Variants in OPCML observed in about 807,000 individuals in gnomAD.
OPCML encodes the protein opioid binding protein/cell adhesion molecule like.
In OPCML, 13 loss-of-function variants were observed where a neutral mutation model predicts 37.8. The observed-to-expected ratio is 0.34, with a 90% CI of 0.22 to 0.55. The LOEUF (loss-of-function observed/expected upper bound fraction) is 0.55, where lower values mean the gene tolerates loss of function less well. Ranked by LOEUF, OPCML falls within the 20% of genes least tolerant of loss-of-function variation. The pLI, the probability that OPCML is intolerant of heterozygous loss-of-function variation, is 0.91. For missense variants in OPCML, 341 were observed against 435.6 expected (o/e 0.78, Z 1.93); for synonymous variants, 176 against 168.8 (o/e 1.04, Z -0.33).
intron 4 of OPCML, among the ~76,000 whole-genome samples, chr11:132,524,160 C>A (rs1380739895): frequency 6.6e-6 from 1 of 152,230 alleles, no homozygotes; most frequent in Non-Finnish European, 1.5e-5. Flanking sequence ...ATCCCTGCAA[C>A]TTTTTCACAT....
chr11:133,435,710 C>T (rs1457836023), intron 1 of OPCML, among the ~76,000 whole-genome samples: 1 of 152,180 alleles, frequency 6.6e-6, no homozygotes, highest in Non-Finnish European at 1.5e-5. Context: ...AATACAGTAA[C>T]TGATTTCCAT....
At chr11:133,059,342 A>T (rs559692395) in intron 1 of OPCML, among the ~76,000 whole-genome samples, 43 of 152,272 alleles carry the variant, frequency 2.8e-4, no homozygotes, top group Admixed American at 1.1e-3. Context: ...ACTGCCCAAG[A>T]CCTTTTAGGG....
chr11:132,713,486 A>G lies in OPCML; in HGVS notation c.147-56167T>C, dbSNP rs1470458177. Among the ~76,000 whole-genome samples the G allele has an allele frequency of 2.6e-5, 4 of 152,332 alleles. No individual in the cohort carries two copies. In the East Asian group the frequency reaches 5.8e-4, roughly 22 times the overall value. On this transcript the variant is annotated intron_variant, in intron 2 of 7. Transcript: ENST00000524381. ...ACTTTCCTGTGACCTCAAGTACAGC[A>G]TTCATTTCCTATTTTACAATGATAA...
intron 1 of OPCML, among the ~76,000 whole-genome samples, chr11:133,514,856 T>C (rs1328572200): frequency 6.6e-6 from 1 of 152,222 alleles, no homozygotes; most frequent in Non-Finnish European, 1.5e-5. Context: ...AGAAAGTTGC[T>C]GGAACCATTT....
chr11:132,649,860 A>C (rs1288404764), intron 3 of OPCML, among the ~76,000 whole-genome samples: 1 of 152,036 alleles, frequency 6.6e-6, no homozygotes, highest in African/African-American at 2.4e-5. Context: ...CTGCTTAGGA[A>C]CTAAGACATA....
intron 3 of OPCML, among the ~76,000 whole-genome samples, chr11:132,587,669 G>T (rs1251427958): frequency 6.6e-6 from 1 of 152,136 alleles, no homozygotes; most frequent in Non-Finnish European, 1.5e-5. Flanking sequence ...TACACCTAAG[G>T]GGGCACTGCC....
At chr11:132,939,052 T>C (rs577555078) in intron 2 of OPCML, among the ~76,000 whole-genome samples, 78 of 152,186 alleles carry the variant, frequency 5.1e-4, no homozygotes, top group Non-Finnish European at 8.4e-4. Context: ...TGTCTTTTAA[T>C]GTCTTTGTCT....
chr11:132,595,415 G>T (rs1312213823), intron 3 of OPCML, among the ~76,000 whole-genome samples: 1 of 152,196 alleles, frequency 6.6e-6, no homozygotes, highest in Non-Finnish European at 1.5e-5. Context: ...TTAACAAGCA[G>T]ATGGTCCTCT....
chr11:132,698,066 G>A (rs1007396769), intron 2 of OPCML, among the ~76,000 whole-genome samples: 6 of 149,192 alleles, frequency 4.0e-5, no homozygotes, highest in Non-Finnish European at 8.9e-5. Flanking sequence ...CTGGGCCCAA[G>A]TAATCCTTCT....
At chr11:132,531,150 A>G (rs2137303442) in intron 3 of OPCML, among the ~76,000 whole-genome samples, 1 of 152,348 alleles carries the variant, frequency 6.6e-6, no homozygotes, top group East Asian at 1.9e-4. Flanking sequence ...AGTGTAAATC[A>G]CACAGGCTGA....
At position 133,480,317 on chromosome 11, in the gene OPCML, G is replaced by A. The variant is rs74779758; in HGVS notation, c.61+51947C>T. Among the ~76,000 whole-genome samples the A allele has an allele frequency of 1.7e-3, 258 of 152,332 alleles. 5 individuals are homozygous for A. Among genetic ancestry groups the A allele is most frequent in the Admixed American group, 2.4e-3 (37 of 15,304 alleles). ...TGACAGATGAGGAAACTGTGGTCCGGAGGGTTGCCTGCCTTGTCCTTGTTC... is the reference window on the plus strand; with the variant it reads ...TGACAGATGAGGAAACTGTGGTCCGAAGGGTTGCCTGCCTTGTCCTTGTTC... On this transcript the variant is annotated intron_variant, in intron 1 of 7. Transcript: ENST00000524381.
chr11:132,519,379 G>A lies in OPCML; in HGVS notation c.505+9682C>T, dbSNP rs80153054. On this transcript the variant is annotated intron_variant, in intron 4 of 7. Transcript: ENST00000524381. The stretch of plus-strand genomic sequence containing the variant: ...AGCTGCACAGTGACGCTTGCTGAAG[G>A]CATCCCTCTGCTAGGATAGATTGCT... Among the ~76,000 whole-genome samples, 86 of 152,132 alleles carry A rather than the reference G, an allele frequency of 5.7e-4. 1 individual carries two copies. The East Asian group carries it at 0.015, about 27-fold the overall frequency.
At chr11:132,662,807 T>G (rs1020546184) in intron 2 of OPCML, among the ~76,000 whole-genome samples, 2 of 152,236 alleles carry the variant, frequency 1.3e-5, no homozygotes, top group African/African-American at 4.8e-5. Context: ...TCATCTCACA[T>G]ACAGGCACAG....
chr11:132,490,416 G>C (rs2096212004), intron 4 of OPCML, among the ~76,000 whole-genome samples: 1 of 152,012 alleles, frequency 6.6e-6, no homozygotes, highest in South Asian at 2.1e-4. Flanking sequence ...GCTTGGTGAA[G>C]AGCTCCAGGG....
intron 3 of OPCML, among the ~76,000 whole-genome samples, chr11:132,564,487 A>G (rs538728169): frequency 6.6e-6 from 1 of 152,314 alleles, no homozygotes; most frequent in South Asian, 2.1e-4. Flanking sequence ...TTCTTATGCA[A>G]GAAGGGCTCA....
chr11:133,331,236 C>T lies in OPCML; in HGVS notation c.61+201028G>A, dbSNP rs149480886. Among the ~76,000 whole-genome samples, 134 of 152,312 alleles carry T rather than the reference C, an allele frequency of 8.8e-4. 1 individual carries two copies. Among genetic ancestry groups the T allele is most frequent in the African/African-American group, 2.8e-3 (117 of 41,566 alleles). Reference sequence around the variant, plus strand: ...AACCAAACCCCACTTGCCTGCTGGCCTGGTAAGCTGGTAAGTTGCAAAAGG... The same window carrying T: ...AACCAAACCCCACTTGCCTGCTGGCTTGGTAAGCTGGTAAGTTGCAAAAGG... On this transcript the variant is annotated intron_variant, in intron 1 of 7. Coordinates refer to ENST00000524381, the MANE Select transcript of OPCML (RefSeq NM_001012393.5).
chr11:133,026,349 C>T (rs1051095691), intron 1 of OPCML: 14 of 972,214 alleles, frequency 1.4e-5, no homozygotes, highest in Middle Eastern at 5.2e-4. Flanking sequence ...GACTTATCCA[C>T]GCGTAATACC....
chr11:133,134,126 G>T (rs1949646198), intron 1 of OPCML, among the ~76,000 whole-genome samples: 1 of 152,080 alleles, frequency 6.6e-6, no homozygotes, highest in Non-Finnish European at 1.5e-5. Context: ...CTGCAAGCTT[G>T]TGTATTATAA....
intron 1 of OPCML, among the ~76,000 whole-genome samples, chr11:133,352,869 A>T (rs995878955): frequency 1.8e-4 from 27 of 152,296 alleles, no homozygotes; most frequent in African/African-American, 6.3e-4. Context: ...ATCAAACTTC[A>T]TGACCTTGGG....
Sources: allele counts gnomAD v4.1 joint callset (sites outside exome capture counted in the v4.1 genomes callset), GRCh38; gene constraint gnomAD v4.1.1; transcripts MANE v1.5; gene names NCBI Gene and HGNC (gene_info 2026-07-23, HGNC 2026-07-21).